PARP8: variants seen among roughly 807,000 people sequenced by gnomAD.
The protein encoded by PARP8 is protein mono-ADP-ribosyltransferase PARP8.
Under a neutral mutation model 124.1 loss-of-function variants are expected in PARP8, and 51 were observed. The observed-to-expected ratio is 0.41, with a 90% CI of 0.33 to 0.52. PARP8 has a LOEUF of 0.52. PARP8 is among the 20% of genes least tolerant of loss of function. The pLI is 0.21. For missense variants in PARP8, 860 were observed against 1,018.9 expected (o/e 0.84, Z 2.12); for synonymous variants, 391 against 361.5 (o/e 1.08, Z -0.93).
In PARP8 at chr5:50,835,011, T is replaced by C; in HGVS notation, c.2458T>C (p.Phe820Leu). 6.2e-7 allele frequency: 1 copy of C among 1,611,924 alleles called. No individual in the cohort carries two copies. Among genetic ancestry groups the C allele is most frequent in the Non-Finnish European group, 8.5e-7 (1 of 1,178,602 alleles). The change falls in exon 25 of 26, where the codon TTC becomes CTC. Residue 820 changes from phenylalanine to leucine, a missense_variant. Transcript: ENST00000281631. Reference sequence around the variant, plus strand: ...TGACCATGTCTGCACACGATTCTTTTTCGTGTAAGTGGAAATGCTCAAATT... The same window carrying C: ...TGACCATGTCTGCACACGATTCTTTCTCGTGTAAGTGGAAATGCTCAAATT... ...NTDHVCTRFF[F>L]VYEDGQVGDA... is the part of the protein sequence containing the mutation.
At chr5:50,672,635 A>G (rs2149433596) in intron 2 of PARP8, among the ~76,000 whole-genome samples, 1 of 152,342 alleles carries the variant, frequency 6.6e-6, no homozygotes, top group Non-Finnish European at 1.5e-5. Context: ...ACTGTGACAC[A>G]GTGGAGAGTT....
intron 14 of PARP8, among the ~76,000 whole-genome samples, chr5:50,813,563 T>C (rs1333434043): frequency 2.0e-5 from 3 of 152,152 alleles, no homozygotes; most frequent in Non-Finnish European, 4.4e-5. Context: ...CTTCCTCTTT[T>C]CCTAATTGGA....
chr5:50,796,721 C>T (rs1742594376), intron 12 of PARP8, among the ~76,000 whole-genome samples: 1 of 152,094 alleles, frequency 6.6e-6, no homozygotes, highest in South Asian at 2.1e-4. Flanking sequence ...GTAAAGATGC[C>T]AGTAATTTTT....
rs190996796 is a variant in PARP8, at chr5:50,670,061, C to T, written c.146+1936C>T. ...TCCCTTTATGATTTGTACCTAATGG[C>T]GAATACCTTTTATTTTCTGAAAATA... On this transcript the variant is annotated intron_variant, in intron 2 of 25. Coordinates refer to ENST00000281631, the MANE Select transcript of PARP8 (RefSeq NM_024615.4). 3.3e-4 allele frequency among the ~76,000 whole-genome samples: 50 copies of T among 152,266 alleles called. No homozygotes were observed. The East Asian group carries it at 6.8e-3, about 21-fold the overall frequency.
At chr5:50,684,550 A>G (rs1187404346) in intron 2 of PARP8, among the ~76,000 whole-genome samples, 1 of 152,038 alleles carries the variant, frequency 6.6e-6, no homozygotes, top group East Asian at 1.9e-4. Context: ...CAACATACAT[A>G]ATGTCATAAA....
intron 14 of PARP8, among the ~76,000 whole-genome samples, chr5:50,801,250 C>G (rs1436528904): frequency 6.6e-6 from 1 of 152,054 alleles, no homozygotes; most frequent in Non-Finnish European, 1.5e-5. Flanking sequence ...CAGGCATGCA[C>G]CACCACACCC....
At chr5:50,828,803 T>G (rs1371096336) in intron 21 of PARP8, among the ~76,000 whole-genome samples, 3 of 151,676 alleles carry the variant, frequency 2.0e-5, no homozygotes, top group African/African-American at 7.3e-5. Context: ...GAGAATAATT[T>G]GAACCCGGGA....
Position 50,804,047 on chromosome 5 carries a change from C to G in PARP8, c.1575+6814C>G, listed in dbSNP as rs1743541031. Among the ~76,000 whole-genome samples the G allele has an allele frequency of 3.3e-5, 5 of 152,140 alleles. No homozygotes were observed. In the South Asian group the frequency reaches 1.0e-3, roughly 31 times the overall value. On this transcript the variant is annotated intron_variant, in intron 14 of 25. Transcript: ENST00000281631. ...AGTCTTTCTTGAGCATGCACACAGTCATGGGCAAGCACATGGCCTTCTGGA... is the reference window on the plus strand; with the variant it reads ...AGTCTTTCTTGAGCATGCACACAGTGATGGGCAAGCACATGGCCTTCTGGA...
At chr5:50,704,524 A>C (rs1424194936) in intron 2 of PARP8, among the ~76,000 whole-genome samples, 2 of 151,836 alleles carry the variant, frequency 1.3e-5, no homozygotes, top group East Asian at 1.9e-4. Flanking sequence ...TCTTTACTCT[A>C]CCCTCCCCCA....
rs1748551988 is a variant in PARP8, at chr5:50,845,567, A to G, written c.*3499A>G. 1 of 151,838 alleles carries G rather than the reference A, an allele frequency of 6.6e-6. No individual in the cohort carries two copies. Among genetic ancestry groups the G allele is most frequent in the South Asian group, 2.1e-4 (1 of 4,826 alleles). The allele number at this position is 151,838 out of a possible 1,614,324, so 9.4% of individuals were successfully genotyped here. A position where few individuals can be genotyped will look rare whatever the true frequency, so the allele number is the denominator to read the frequency against. ...TAAAATTTTGCAAATAGAAGTCATC[A>G]AATAATTCAACAGGAAGACCATACT... On this transcript the variant is annotated 3_prime_UTR_variant, in exon 26 of 26. Coordinates refer to ENST00000281631, the MANE Select transcript of PARP8 (RefSeq NM_024615.4).
At chr5:50,799,737 G>T (rs895719252) in intron 14 of PARP8, among the ~76,000 whole-genome samples, 2 of 152,122 alleles carry the variant, frequency 1.3e-5, no homozygotes, top group Non-Finnish European at 2.9e-5. Flanking sequence ...TTAGGAGATG[G>T]GTTGTTTGGA....
At chr5:50,696,669 C>T (rs1292876350) in intron 2 of PARP8, among the ~76,000 whole-genome samples, 1 of 151,994 alleles carries the variant, frequency 6.6e-6, no homozygotes, top group Non-Finnish European at 1.5e-5. Flanking sequence ...GTCTTTTTTT[C>T]CTTTGACTTA....
intron 15 of PARP8, among the ~76,000 whole-genome samples, chr5:50,818,073 T>C (rs1278520872): frequency 1.3e-5 from 2 of 152,098 alleles, no homozygotes; most frequent in Non-Finnish European, 2.9e-5. Flanking sequence ...AGAAGGCAGA[T>C]ATATGTGTGT....
chr5:50,703,250 T>C (rs1186720512), intron 2 of PARP8, among the ~76,000 whole-genome samples: 1 of 149,128 alleles, frequency 6.7e-6, no homozygotes, highest in Non-Finnish European at 1.5e-5. Flanking sequence ...AAATGAGCCA[T>C]GATCACACCA....
At chr5:50,674,503 C>T (rs1371458464) in intron 2 of PARP8, among the ~76,000 whole-genome samples, 1 of 152,186 alleles carries the variant, frequency 6.6e-6, no homozygotes, top group African/African-American at 2.4e-5. Flanking sequence ...CTTATCCATC[C>T]AGTTTATTTA....
At chr5:50,721,014 T>C (rs1490009958) in intron 2 of PARP8, among the ~76,000 whole-genome samples, 1 of 151,880 alleles carries the variant, frequency 6.6e-6, no homozygotes, top group Admixed American at 6.6e-5. Context: ...TTCTTTGTTC[T>C]GATACATCTC....
At chr5:50,800,558 C>T (rs1429456372) in intron 14 of PARP8, among the ~76,000 whole-genome samples, 1 of 152,110 alleles carries the variant, frequency 6.6e-6, no homozygotes, top group African/African-American at 2.4e-5. Flanking sequence ...ATAGATGCCA[C>T]TTACCAGGTT....
rs1561389308 is a variant in PARP8, at chr5:50,794,321, T to C, written c.852T>C (p.Ser284=). The C allele has an allele frequency of 6.2e-7, 1 of 1,613,186 alleles. No homozygotes were observed. Among genetic ancestry groups the C allele is most frequent in the African/African-American group, 1.3e-5 (1 of 75,026 alleles). Residue 284 remains serine (S), a synonymous_variant, in exon 11 of 26, where the codon TCT becomes TCC. Coordinates refer to ENST00000281631, the MANE Select transcript of PARP8 (RefSeq NM_024615.4). The stretch of plus-strand genomic sequence containing the variant: ...TGAAGTCTCCCCTGCATTTATTTTC[T>C]ACTTTGCGCAGGTTGGTAACAGGCA... ...KKVKSPLHLF[S]TLRRSPSYPP...
intron 2 of PARP8, among the ~76,000 whole-genome samples, chr5:50,743,062 G>T (rs1174865432): frequency 6.6e-6 from 1 of 152,164 alleles, no homozygotes; most frequent in Non-Finnish European, 1.5e-5. Context: ...GTGGGACATG[G>T]GGGTTTGAGA....
Sources: allele counts gnomAD v4.1 joint callset (sites outside exome capture counted in the v4.1 genomes callset), GRCh38; gene constraint gnomAD v4.1.1; transcripts MANE v1.5; gene names NCBI Gene and HGNC (gene_info 2026-07-23, HGNC 2026-07-21).